The following SLC4A10 variants were observed in gnomAD, a reference collection of about 807,000 sequenced individuals.
The protein encoded by SLC4A10 is sodium-driven chloride bicarbonate exchanger.
SLC4A10 carries 42 observed loss-of-function variants against 137.7 expected under a neutral mutation model. The observed-to-expected ratio is 0.30, with a 90% CI of 0.24 to 0.39. The LOEUF (loss-of-function observed/expected upper bound fraction) is 0.39. Among genes scored for constraint, SLC4A10 ranks in the 10% least tolerant of loss-of-function variants. SLC4A10 has a pLI of 1.00. For missense variants in SLC4A10, 925 were observed against 1,355.0 expected (o/e 0.68, Z 4.98); for synonymous variants, 474 against 464.1 (o/e 1.02, Z -0.27).
chr2:161,767,164 T>TG (rs1205031482), intron 1 of SLC4A10, among the ~76,000 whole-genome samples: 4 of 85,548 alleles, frequency 4.7e-5, no homozygotes, highest in Admixed American at 1.3e-4. Flanking sequence ...TGTGTGTGTG[T>TG]TTTATTTATA....
At chr2:161,706,786 A>G (rs1195963512) in intron 1 of SLC4A10, among the ~76,000 whole-genome samples, 1 of 151,570 alleles carries the variant, frequency 6.6e-6, no homozygotes, top group African/African-American at 2.4e-5. Context: ...ATGTGACTAG[A>G]TCAGAATCTT....
chr2:161,711,504 T>C (rs2044284643), intron 1 of SLC4A10, among the ~76,000 whole-genome samples: 1 of 151,824 alleles, frequency 6.6e-6, no homozygotes, highest in Non-Finnish European at 1.5e-5. Context: ...CCTTAGCTGC[T>C]GCTTGGTGAA....
At chr2:161,954,539 T>C (rs1202789190) in intron 19 of SLC4A10, among the ~76,000 whole-genome samples, 1 of 152,212 alleles carries the variant, frequency 6.6e-6, no homozygotes, top group African/African-American at 2.4e-5. Context: ...GATACTTCTC[T>C]TTGGCTGGCA....
chr2:161,682,943 T>G (rs566127205), intron 1 of SLC4A10, among the ~76,000 whole-genome samples: 1 of 151,958 alleles, frequency 6.6e-6, no homozygotes, highest in East Asian at 1.9e-4. Flanking sequence ...TATATAAATA[T>G]CATAAAATGT....
At chr2:161,652,326 C>A (rs2036915104) in intron 1 of SLC4A10, among the ~76,000 whole-genome samples, 1 of 152,148 alleles carries the variant, frequency 6.6e-6, no homozygotes, top group African/African-American at 2.4e-5. Flanking sequence ...TGAGTCAATA[C>A]TATGTTATTT....
intron 26 of SLC4A10, among the ~76,000 whole-genome samples, chr2:161,979,311 A>G (rs1699866083): frequency 6.6e-6 from 1 of 152,274 alleles, no homozygotes; most frequent in African/African-American, 2.4e-5. Context: ...ATATATCCAG[A>G]TGACTTCACA....
At chr2:161,736,942 C>T (rs1471535224) in intron 1 of SLC4A10, among the ~76,000 whole-genome samples, 1 of 152,090 alleles carries the variant, frequency 6.6e-6, no homozygotes. Flanking sequence ...TTCACTACAG[C>T]CTTGACCTCA....
At chr2:161,969,738 T>G (rs1047424795) in intron 23 of SLC4A10, among the ~76,000 whole-genome samples, 31 of 152,142 alleles carry the variant, frequency 2.0e-4, no homozygotes, top group African/African-American at 6.8e-4. Flanking sequence ...TGGGACCCTG[T>G]GATCCCAATG....
At chr2:161,978,205 T>A (rs1699685304) in intron 26 of SLC4A10, among the ~76,000 whole-genome samples, 1 of 151,276 alleles carries the variant, frequency 6.6e-6, no homozygotes, top group Non-Finnish European at 1.5e-5. Flanking sequence ...GTCAACATGG[T>A]GAAACCTTTT....
At chr2:161,914,770 T>C (rs1331559740) in intron 15 of SLC4A10, among the ~76,000 whole-genome samples, 2 of 152,180 alleles carry the variant, frequency 1.3e-5, no homozygotes, top group Non-Finnish European at 2.9e-5. Context: ...AATTTCTCTG[T>C]TGAGGCTCTA....
In SLC4A10 at chr2:161,947,702, A is replaced by G; in HGVS notation, c.2240A>G (p.Lys747Arg). The G allele has an allele frequency of 5.6e-6, 9 of 1,612,724 alleles. No homozygotes were observed. The highest frequency in any genetic ancestry group is 7.6e-6 in the Non-Finnish European group (9 of 1,179,184). Reference protein sequence around the residue: ...VTLSATLKQFKTSRYFPTKVR... With the variant: ...VTLSATLKQFRTSRYFPTKVR... The stretch of plus-strand genomic sequence containing the variant: ...CTGTCAGCCACCCTGAAGCAGTTCA[A>G]GACTAGCAGATATTTTCCAACCAAG... The change falls in exon 17 of 27, where the codon AAG becomes AGG. Residue 747 changes from lysine (K) to arginine (R), a missense_variant. Transcript: ENST00000446997.
intron 1 of SLC4A10, among the ~76,000 whole-genome samples, chr2:161,642,340 T>A (rs897127235): frequency 6.6e-6 from 1 of 151,974 alleles, no homozygotes; most frequent in Non-Finnish European, 1.5e-5. Flanking sequence ...CATTTTTTTC[T>A]GTTGTTTTTC....
chr2:161,751,729 C>A (rs1004550553), intron 1 of SLC4A10, among the ~76,000 whole-genome samples: 14 of 151,738 alleles, frequency 9.2e-5, no homozygotes, highest in African/African-American at 3.4e-4. Context: ...TTAATCTAAT[C>A]TCTTTTGATT....
chr2:161,964,510 T>A (rs945719451), intron 22 of SLC4A10, among the ~76,000 whole-genome samples: 1 of 152,178 alleles, frequency 6.6e-6, no homozygotes, highest in Non-Finnish European at 1.5e-5. Context: ...TTTGTCTCTA[T>A]CACTCTGAAT....
intron 1 of SLC4A10, among the ~76,000 whole-genome samples, chr2:161,665,278 T>G (rs534188871): frequency 1.3e-5 from 2 of 151,946 alleles, no homozygotes; most frequent in Non-Finnish European, 3.0e-5. Context: ...ATCATATATC[T>G]GAGAGGCTGT....
chr2:161,682,037 C>T (rs1373056776), intron 1 of SLC4A10, among the ~76,000 whole-genome samples: 1 of 152,070 alleles, frequency 6.6e-6, no homozygotes, highest in African/African-American at 2.4e-5. Context: ...GACTTGTCCT[C>T]TTTTTTCTTG....
chr2:161,755,562 T>C (rs1033699646), intron 1 of SLC4A10, among the ~76,000 whole-genome samples: 3 of 152,170 alleles, frequency 2.0e-5, no homozygotes, highest in Non-Finnish European at 4.4e-5. Flanking sequence ...ACCCTCTCTT[T>C]TCTCACATAC....
chr2:161,651,822 G>T (rs2036841348), intron 1 of SLC4A10, among the ~76,000 whole-genome samples: 2 of 58,778 alleles, frequency 3.4e-5, no homozygotes, highest in South Asian at 1.3e-3. Flanking sequence ...CGCCTAGCTT[G>T]CCCTTGGCAG....
At chr2:161,679,282 C>T (rs1158590243) in intron 1 of SLC4A10, among the ~76,000 whole-genome samples, 1 of 152,024 alleles carries the variant, frequency 6.6e-6, no homozygotes, top group African/African-American at 2.4e-5. Flanking sequence ...TTATTGCTGG[C>T]CCATAGTCTA....
Sources: gnomAD v4.1 joint callset for allele counts (sites outside exome capture counted in the v4.1 genomes callset) on GRCh38, gnomAD v4.1.1 for gene constraint, MANE v1.5 for transcripts, NCBI Gene and HGNC (gene_info 2026-07-23, HGNC 2026-07-21) for gene names.